Variants in SUGCT observed in about 807,000 individuals in gnomAD.
SUGCT encodes the protein succinyl-CoA:glutarate CoA-transferase.
In SUGCT, 41 loss-of-function variants were observed where a neutral mutation model predicts 55.0. The ratio of observed to expected loss-of-function variants is 0.74; its 90% CI spans 0.58 to 0.97. The LOEUF is 0.97. Among genes scored for constraint, SUGCT ranks in the 50% least tolerant of loss-of-function variants. SUGCT has a pLI of 0.00. For synonymous variants in SUGCT, 187 were observed against 200.4 expected (o/e 0.93, Z 0.56); for missense variants, 568 against 547.8 (o/e 1.04, Z -0.37).
chr7:40,864,751 C>G (rs1794550649), downstream of SUGCT, among the ~76,000 whole-genome samples: 3 of 151,806 alleles, frequency 2.0e-5, no homozygotes, highest in Non-Finnish European at 2.9e-5. Context: ...CACCCAGGAG[C>G]TGCAGATCCA....
chr7:40,922,193 C>A, the SUGCT span, among the ~76,000 whole-genome samples: 28 of 152,246 alleles, frequency 1.8e-4, no homozygotes, highest in Non-Finnish European at 3.5e-4. Context: ...TCTTCCAAAT[C>A]GGACTATGTC....
chr7:41,002,777 T>C, the SUGCT span, among the ~76,000 whole-genome samples: 2 of 152,284 alleles, frequency 1.3e-5, no homozygotes, highest in Middle Eastern at 3.4e-3. Context: ...TTACAACTGC[T>C]TTATGATGTA....
chr7:40,338,535 C>A (rs917104542), intron 9 of SUGCT, among the ~76,000 whole-genome samples: 7 of 152,192 alleles, frequency 4.6e-5, no homozygotes, highest in Non-Finnish European at 8.8e-5. Flanking sequence ...TCCAGTGGAT[C>A]GAATCGGCTG....
intron 8 of SUGCT, among the ~76,000 whole-genome samples, chr7:40,303,924 C>T (rs756384613): frequency 3.3e-5 from 5 of 151,682 alleles, no homozygotes; most frequent in African/African-American, 9.7e-5. Flanking sequence ...GGCAAAACCC[C>T]GTCTCTACTA....
chr7:40,608,852 G>A (rs1206651013), intron 12 of SUGCT, among the ~76,000 whole-genome samples: 1 of 152,182 alleles, frequency 6.6e-6, no homozygotes, highest in African/African-American at 2.4e-5. Flanking sequence ...TCTTCAGAAT[G>A]TCACGGACAC....
At chr7:40,834,377 C>A (rs1290935097) in intron 13 of SUGCT, among the ~76,000 whole-genome samples, 4 of 152,094 alleles carry the variant, frequency 2.6e-5, no homozygotes, top group Non-Finnish European at 5.9e-5. Flanking sequence ...GATATAAAAT[C>A]AGGGTTAATG....
chr7:41,022,872 T>C, the SUGCT span, among the ~76,000 whole-genome samples: 1 of 152,214 alleles, frequency 6.6e-6, no homozygotes, highest in Non-Finnish European at 1.5e-5. Context: ...GTATTTGTCA[T>C]AAATATAAAT....
intron 1 of SUGCT, among the ~76,000 whole-genome samples, chr7:40,148,126 G>A (rs1788360228): frequency 6.6e-6 from 1 of 151,784 alleles, no homozygotes; most frequent in Non-Finnish European, 1.5e-5. Context: ...GAGAGAGCAG[G>A]AAATCGGAAT....
intron 12 of SUGCT, among the ~76,000 whole-genome samples, chr7:40,580,552 A>G (rs531447089): frequency 6.6e-6 from 1 of 152,266 alleles, no homozygotes; most frequent in South Asian, 2.1e-4. Flanking sequence ...AAGTCAAACC[A>G]TAACTTCAGA....
Position 40,213,714 on chromosome 7 carries a change from C to G in SUGCT, c.484+18654C>G, listed in dbSNP as rs150264895. ...CTTCTTTCCCAGTTGTTTGTTTATT[C>G]AGGTATTTGTTTATGTCAGTATTGA... is the stretch of plus-strand genomic sequence containing the variant. On this transcript the variant is annotated intron_variant, in intron 6 of 13. Transcript: ENST00000335693. Among the ~76,000 whole-genome samples, 6 of 152,218 alleles carry G rather than the reference C, an allele frequency of 3.9e-5. No homozygotes were observed. In the East Asian group the frequency reaches 1.2e-3, roughly 29 times the overall value.
chr7:40,387,541 G>A (rs1380026164), intron 9 of SUGCT, among the ~76,000 whole-genome samples: 2 of 152,148 alleles, frequency 1.3e-5, no homozygotes, highest in Non-Finnish European at 2.9e-5. Flanking sequence ...ATTGTTATAT[G>A]GAATGGTTAT....
At chr7:40,225,011 G>T (rs137894278) in intron 6 of SUGCT, among the ~76,000 whole-genome samples, 1 of 152,158 alleles carries the variant, frequency 6.6e-6, no homozygotes, top group Non-Finnish European at 1.5e-5. Flanking sequence ...AAGACCTTTC[G>T]GTATCACAGA....
intron 12 of SUGCT, among the ~76,000 whole-genome samples, chr7:40,631,435 C>G (rs1799783790): frequency 1.3e-5 from 2 of 152,156 alleles, no homozygotes; most frequent in South Asian, 4.1e-4. Flanking sequence ...GATTTAGTTT[C>G]ACCATTCAAC....
At chr7:40,421,638 A>T (rs1562765298) in intron 9 of SUGCT, among the ~76,000 whole-genome samples, 1 of 152,324 alleles carries the variant, frequency 6.6e-6, no homozygotes, top group African/African-American at 2.4e-5. Flanking sequence ...TTTGTTAAAC[A>T]TATCTATGGA....
At chr7:40,243,074 C>T (rs1482400153) in intron 7 of SUGCT, among the ~76,000 whole-genome samples, 1 of 146,756 alleles carries the variant, frequency 6.8e-6, no homozygotes, top group Non-Finnish European at 1.5e-5. Context: ...TAGCTGGGAC[C>T]AAAGGCACAT....
intron 12 of SUGCT, among the ~76,000 whole-genome samples, chr7:40,547,132 G>A (rs1441849344): frequency 6.6e-6 from 1 of 152,104 alleles, no homozygotes; most frequent in African/African-American, 2.4e-5. Flanking sequence ...TTGACAAGCA[G>A]GAAAGCCAGG....
intron 12 of SUGCT, among the ~76,000 whole-genome samples, chr7:40,731,746 G>A (rs1411170703): frequency 1.3e-5 from 2 of 152,192 alleles, no homozygotes; most frequent in Admixed American, 6.5e-5. Flanking sequence ...GAGTGGCAAA[G>A]CTAGTTCCAA....
intron 9 of SUGCT, among the ~76,000 whole-genome samples, chr7:40,446,752 A>T (rs956469703): frequency 6.6e-6 from 1 of 152,194 alleles, no homozygotes; most frequent in Non-Finnish European, 1.5e-5. Context: ...AGGATGATGA[A>T]GACTGAAATT....
At position 40,297,401 on chromosome 7, in the gene SUGCT, G is replaced by A. The variant is rs548301647; in HGVS notation, c.721-19359G>A. Reference sequence around the variant, plus strand: ...CAACCAAAATTAAATGAAACATGCTGATGGCGTATTTCTTATTGTAAACAT... The same window carrying A: ...CAACCAAAATTAAATGAAACATGCTAATGGCGTATTTCTTATTGTAAACAT... On this transcript the variant is annotated intron_variant, in intron 8 of 13. Coordinates refer to ENST00000335693, the MANE Select transcript of SUGCT (RefSeq NM_001193313.2). Among the ~76,000 whole-genome samples, 145 of 152,048 alleles carry A rather than the reference G, an allele frequency of 9.5e-4. 2 individuals carry two copies. The highest frequency in any genetic ancestry group is 3.3e-3 in the African/African-American group (137 of 41,452).
Sources: gnomAD v4.1 joint callset for allele counts (sites outside exome capture counted in the v4.1 genomes callset) on GRCh38, gnomAD v4.1.1 for gene constraint, MANE v1.5 for transcripts, NCBI Gene and HGNC (gene_info 2026-07-23, HGNC 2026-07-21) for gene names.